ADARB2: variants seen among roughly 807,000 people sequenced by gnomAD.
ADARB2 encodes adenosine deaminase RNA specific B2 (inactive), also known as inactive double-stranded RNA-specific editase B2.
In ADARB2, 25 loss-of-function variants were observed where a neutral mutation model predicts 62.2. The observed-to-expected ratio is 0.40, with a 90% CI of 0.29 to 0.56. ADARB2 has a LOEUF of 0.56. ADARB2 is among the 20% of genes least tolerant of loss of function. The probability of loss-of-function intolerance (pLI) is 0.43; values close to 1 mark genes in which losing one functional copy is unlikely to be tolerated. For synonymous variants in ADARB2, 572 were observed against 500.8 expected (o/e 1.14, Z -1.90); for missense variants, 1,071 against 1,077.4 (o/e 0.99, Z 0.08).
At chr10:1,384,914 G>A (rs545925558) in intron 1 of ADARB2, among the ~76,000 whole-genome samples, 1 of 152,214 alleles carries the variant, frequency 6.6e-6, no homozygotes, top group African/African-American at 2.4e-5. Flanking sequence ...TCAAATGATG[G>A]CACAATGCTG....
At chr10:1,204,573 C>CCTG (rs1417639573) in intron 7 of ADARB2, among the ~76,000 whole-genome samples, 1 of 152,254 alleles carries the variant, frequency 6.6e-6, no homozygotes, top group Non-Finnish European at 1.5e-5. Flanking sequence ...AGCTGCCCCA[C>CCTG]CTGCACCTTC....
chr10:1,332,681 G>A (rs1479039229), intron 3 of ADARB2, among the ~76,000 whole-genome samples: 1 of 152,088 alleles, frequency 6.6e-6, no homozygotes, highest in African/African-American at 2.4e-5. Context: ...GACTTCCAAT[G>A]TCCCTCCCAC....
intron 3 of ADARB2, among the ~76,000 whole-genome samples, chr10:1,312,168 A>G (rs1353797529): frequency 6.6e-6 from 1 of 152,240 alleles, no homozygotes; most frequent in Non-Finnish European, 1.5e-5. Flanking sequence ...GGCAAGTTTC[A>G]CTGACTCTTG....
chr10:1,599,412 C>T (rs11250657), intron 1 of ADARB2, among the ~76,000 whole-genome samples: 46 of 152,326 alleles, frequency 3.0e-4, no homozygotes, highest in African/African-American at 7.2e-4. Flanking sequence ...CATGCAGTGA[C>T]GACCGGTAGC....
chr10:1,549,765 C>T lies in ADARB2; in HGVS notation c.101-170605G>A, dbSNP rs7895066. Among the ~76,000 whole-genome samples, 1,271 of 152,194 alleles carry T rather than the reference C, an allele frequency of 8.4e-3. 8 individuals carry two copies. Among genetic ancestry groups the T allele is most frequent in the African/African-American group, 0.029 (1,191 of 41,520 alleles). ...GCAGGAGATATCACAGGGTGCCCAGCGGGACAACCCGATCCCTGTTCAAGC... is the reference window on the plus strand; with the variant it reads ...GCAGGAGATATCACAGGGTGCCCAGTGGGACAACCCGATCCCTGTTCAAGC... On this transcript the variant is annotated intron_variant, in intron 1 of 9. Coordinates refer to ENST00000381312, the MANE Select transcript of ADARB2 (RefSeq NM_018702.4).
rs2813419 is a variant in ADARB2 at position 1,464,084 on chromosome 10, T to C, written c.101-84924A>G. Among the ~76,000 whole-genome samples the C allele has an allele frequency of 7.6e-3, 1,101 of 144,430 alleles. 16 individuals are homozygous for C. Among genetic ancestry groups the C allele is most frequent in the African/African-American group, 0.028 (1,033 of 37,242 alleles). The allele number at this position is 144,430 out of a possible 152,430, so 94.8% of individuals were successfully genotyped here. On this transcript the variant is annotated intron_variant, in intron 1 of 9. Transcript: ENST00000381312. ...GGAGGGGCCAGGACCGCCACACACA[T>C]GCGCTGGGGGCAGTCACAGCGGGCA...
At chr10:1,192,378 T>C (rs1160597527) in intron 8 of ADARB2, among the ~76,000 whole-genome samples, 1 of 152,194 alleles carries the variant, frequency 6.6e-6, no homozygotes, top group Non-Finnish European at 1.5e-5. Flanking sequence ...GGGGTCTTTC[T>C]CTCTCTCACG....
At chr10:1,553,630 TCTC>T (rs907644304) in intron 1 of ADARB2, among the ~76,000 whole-genome samples, 3 of 152,152 alleles carry the variant, frequency 2.0e-5, no homozygotes, top group Admixed American at 1.3e-4. Context: ...CCCGGCTTCT[TCTC>T]TGTTTGATTT....
In ADARB2 at chr10:1,233,911, A is replaced by G. The variant is rs530267830; in HGVS notation, c.1362-66T>C. ...AAACCAGAAATGTTCCAACCAGGTG[A>G]ACGCTTGAGTCCTGTTTTGTAGAGT... On this transcript the variant is annotated intron_variant, in intron 5 of 9. Coordinates refer to ENST00000381312, the MANE Select transcript of ADARB2 (RefSeq NM_018702.4). The G allele has an allele frequency of 9.4e-5, 143 of 1,527,760 alleles. No individual in the cohort carries two copies. The African/African-American group carries it at 1.6e-3, about 17-fold the overall frequency. The allele number at this position is 1,527,760 out of a possible 1,614,324, so 94.6% of individuals were successfully genotyped here. A position where few individuals can be genotyped will look rare whatever the true frequency, so the allele number is the denominator to read the frequency against.
At chr10:1,207,582 G>A (rs541508034) in intron 7 of ADARB2, among the ~76,000 whole-genome samples, 1 of 152,248 alleles carries the variant, frequency 6.6e-6, no homozygotes, top group Admixed American at 6.5e-5. Context: ...TGTTGTTGAG[G>A]GAACATTGAG....
chr10:1,602,592 T>C (rs980849566), intron 1 of ADARB2, among the ~76,000 whole-genome samples: 1 of 152,170 alleles, frequency 6.6e-6, no homozygotes, highest in South Asian at 2.1e-4. Context: ...TCCTCAAGAA[T>C]GAACCTTGAT....
At chr10:1,625,154 C>T (rs916259550) in intron 1 of ADARB2, among the ~76,000 whole-genome samples, 1 of 152,210 alleles carries the variant, frequency 6.6e-6, no homozygotes, top group Non-Finnish European at 1.5e-5. Context: ...AGCTAAACCC[C>T]AAGAGACATT....
chr10:1,214,218 TCG>T (rs1589153623), intron 7 of ADARB2, among the ~76,000 whole-genome samples: 13 of 151,182 alleles, frequency 8.6e-5, no homozygotes, highest in South Asian at 2.1e-4. Context: ...GTGTCCAGCA[TCG>T]TGTAGGTTTG....
intron 1 of ADARB2, among the ~76,000 whole-genome samples, chr10:1,614,550 T>C (rs1338295334): frequency 6.6e-6 from 1 of 152,208 alleles, no homozygotes; most frequent in Non-Finnish European, 1.5e-5. Flanking sequence ...GAAAAATAGG[T>C]TCCCTCAATG....
intron 1 of ADARB2, among the ~76,000 whole-genome samples, chr10:1,661,961 G>C (rs1050025495): frequency 6.6e-6 from 1 of 152,170 alleles, no homozygotes; most frequent in Non-Finnish European, 1.5e-5. Flanking sequence ...AGGCACTGAG[G>C]CAGCGGCAGA....
At chr10:1,504,879 T>C (rs1247844212) in intron 1 of ADARB2, among the ~76,000 whole-genome samples, 1 of 152,144 alleles carries the variant, frequency 6.6e-6, no homozygotes, top group Admixed American at 6.6e-5. Context: ...TCCCTGAATC[T>C]GGGACCCAGG....
intron 1 of ADARB2, among the ~76,000 whole-genome samples, chr10:1,512,221 T>C (rs1013065786): frequency 5.3e-5 from 8 of 151,990 alleles, no homozygotes; most frequent in African/African-American, 1.9e-4. Context: ...CTACACTGCA[T>C]ACCAAGGTGT....
Position 1,521,842 on chromosome 10 carries a change from T to C in ADARB2, c.101-142682A>G, listed in dbSNP as rs1277312587. Reference sequence around the variant, plus strand: ...TTTCCACCTTTCTGGACCAAATCAATGTATTTCTTAAATGTATTTGATTGA... The same window carrying C: ...TTTCCACCTTTCTGGACCAAATCAACGTATTTCTTAAATGTATTTGATTGA... On this transcript the variant is annotated intron_variant, in intron 1 of 9. Coordinates refer to ENST00000381312, the MANE Select transcript of ADARB2 (RefSeq NM_018702.4). 2.5e-5 allele frequency among the ~76,000 whole-genome samples: 3 copies of C among 121,388 alleles called. No homozygotes were observed. In the Admixed American group the frequency reaches 3.4e-4, roughly 14 times the overall value. 79.6% of individuals were successfully genotyped at this position (121,388 alleles called of 152,430 possible).
chr10:1,217,234 C>T (rs572540473), intron 6 of ADARB2, 115 bp from the exon 7 acceptor site: 36 of 1,071,192 alleles, frequency 3.4e-5, no homozygotes, highest in African/African-American at 2.4e-4. Flanking sequence ...CATGGCTGGG[C>T]GTTTGGCACG....
Sources: gnomAD v4.1 joint callset for allele counts (sites outside exome capture counted in the v4.1 genomes callset) on GRCh38, gnomAD v4.1.1 for gene constraint, MANE v1.5 for transcripts, NCBI Gene and HGNC (gene_info 2026-07-23, HGNC 2026-07-21) for gene names.